TMEM67: variants seen among roughly 807,000 people sequenced by gnomAD.
TMEM67 encodes transmembrane protein 67, also known as meckelin.
TMEM67 carries 124 observed loss-of-function variants against 136.6 expected under a neutral mutation model. That is an observed-to-expected ratio of 0.91 (90% CI 0.78 to 1.05). The LOEUF is 1.05. Ranked by LOEUF, TMEM67 falls within the 50% of genes least tolerant of loss-of-function variation. The pLI is 0.00. For missense variants in TMEM67, 1,107 were observed against 1,178.4 expected (o/e 0.94, Z 0.89); for synonymous variants, 364 against 390.5 (o/e 0.93, Z 0.80).
At position 93,815,360 on chromosome 8, in the gene TMEM67, T is replaced by G. The variant is rs757014188; in HGVS notation, c.2820T>G (p.Leu940=). The change falls in exon 27 of 28, where the codon CTT becomes CTG. Residue 940 remains leucine (L), a synonymous_variant. Coordinates refer to ENST00000453321, the MANE Select transcript of TMEM67 (RefSeq NM_153704.6). ...ATTATGGAAATGAAGCTACTCTTCT[T>G]ATTTTTGATCTGCTGTTCTTCTGTG... The part of the protein sequence containing the change: ...VLYYGNEATL[L]IFDLLFFCVV... 3 of 1,611,824 alleles carry G rather than the reference T, an allele frequency of 1.9e-6. No homozygotes were observed. The highest frequency in any genetic ancestry group is 8.5e-7 in the Non-Finnish European group (1 of 1,178,618).
At chr8:93,799,553 T>G (rs1169929348) in intron 20 of TMEM67, 65 bp from the exon 21 acceptor site, 8 of 1,545,434 alleles carry the variant, frequency 5.2e-6, no homozygotes, top group Non-Finnish European at 7.1e-6. Context: ...GTTTTCTGTT[T>G]TCAGTCTAGA....
At chr8:93,798,096 C>T (rs1261188960) in intron 20 of TMEM67, among the ~76,000 whole-genome samples, 1 of 152,150 alleles carries the variant, frequency 6.6e-6, no homozygotes, top group Non-Finnish European at 1.5e-5. Context: ...ACTCTATACC[C>T]CTTAAACAAC....
intron 22 of TMEM67, among the ~76,000 whole-genome samples, chr8:93,804,501 T>TG (rs1815030233): frequency 6.8e-6 from 1 of 146,614 alleles, no homozygotes; most frequent in East Asian, 2.0e-4. Context: ...TTTTTTTTTT[T>TG]GTAGAGATAG....
At chr8:93,777,563 C>T (rs1187562116) in intron 7 of TMEM67, among the ~76,000 whole-genome samples, 1 of 152,132 alleles carries the variant, frequency 6.6e-6, no homozygotes, top group East Asian at 1.9e-4. Context: ...TCTTTGTTCT[C>T]ATTGATTTCA....
chr8:93,771,994 CA>C (rs1813349904), intron 6 of TMEM67, among the ~76,000 whole-genome samples: 1 of 152,174 alleles, frequency 6.6e-6, no homozygotes, highest in South Asian at 2.1e-4. Flanking sequence ...GCAAGATGTA[CA>C]GATAAGCTTT....
chr8:93,815,259 T>C, intron 26 of TMEM67, 46 bp from the exon 27 acceptor site: 2 of 1,351,426 alleles, frequency 1.5e-6, no homozygotes, highest in Non-Finnish European at 2.0e-6. Context: ...ACAGACTTGT[T>C]CCTTTTTTAA....
chr8:93,808,415 A>C (rs1808511456), intron 23 of TMEM67, among the ~76,000 whole-genome samples: 1 of 86,284 alleles, frequency 1.2e-5, no homozygotes, highest in Non-Finnish European at 2.8e-5. Context: ...TTTCTCTATT[A>C]TAGATATATA....
At chr8:93,831,626 G>A in the TMEM67 span, among the ~76,000 whole-genome samples, 1 of 152,078 alleles carries the variant, frequency 6.6e-6, no homozygotes, top group African/African-American at 2.4e-5. Context: ...CTCCTTCCAG[G>A]TTTCTGAGGA....
intron 12 of TMEM67, chr8:93,785,638 A>G (rs1814061036): frequency 2.9e-6 from 1 of 346,646 alleles, no homozygotes; most frequent in African/African-American, 2.1e-5. Context: ...AGAACCGTAA[A>G]TTGGGGCTTT....
At chr8:93,759,914 G>T (rs1337578739) in intron 3 of TMEM67, 2 of 1,474,702 alleles carry the variant, frequency 1.4e-6, no homozygotes, top group Non-Finnish European at 1.8e-6. Context: ...CTCCCAAAGT[G>T]CTGGGATACA....
downstream of TMEM67, among the ~76,000 whole-genome samples, chr8:93,819,995 TA>T (rs149633541): frequency 3.7e-3 from 558 of 152,190 alleles, 3 homozygotes; most frequent in African/African-American, 0.012. Context: ...TCCTCTTCCT[TA>T]AATCATCCCA....
intron 7 of TMEM67, among the ~76,000 whole-genome samples, chr8:93,779,624 G>T (rs1045754463): frequency 2.0e-5 from 3 of 152,162 alleles, no homozygotes; most frequent in African/African-American, 7.2e-5. Context: ...CCTTCTAACA[G>T]GTCCCTCAGC....
intron 23 of TMEM67, among the ~76,000 whole-genome samples, chr8:93,808,458 T>C (rs1368002309): frequency 0.031 from 51 of 1,658 alleles, no homozygotes; most frequent in Admixed American, 0.2. Context: ...TATATAAATA[T>C]ATATTTATCT....
rs543454658 is a variant in TMEM67, at chr8:93,778,734, G to A, written c.715-1859G>A. 2.0e-4 allele frequency among the ~76,000 whole-genome samples: 31 copies of A among 152,326 alleles called. 3 individuals carry two copies. In the South Asian group the frequency reaches 4.4e-3, roughly 21 times the overall value. On this transcript the variant is annotated intron_variant, in intron 7 of 27. Transcript: ENST00000453321. ...CTGCCAAGAAATCTGCTGTTAGTCT[G>A]ATGGGCTTCCCTTTGTGGGTAACCC... is the stretch of plus-strand genomic sequence containing the variant.
Position 93,793,227 on chromosome 8 carries a change from T to C in TMEM67, c.1605T>C (p.Ala535=), listed in dbSNP as rs757285569. The C allele has an allele frequency of 6.2e-7, 1 of 1,614,206 alleles. No homozygotes were observed. Among genetic ancestry groups the C allele is most frequent in the Non-Finnish European group, 8.5e-7 (1 of 1,180,020 alleles). ...DIALGVLGGL[A]VLASLLKTAG... is the part of the protein sequence containing the mutation. ...CTTTGGGTGTATTGGGTGGGCTAGC[T>C]GTTTTAGCATCTCTTTTGAAGACAG... The change falls in exon 16 of 28, where the codon GCT becomes GCC. Residue 535 remains alanine, a synonymous_variant. Coordinates refer to ENST00000453321, the MANE Select transcript of TMEM67 (RefSeq NM_153704.6).
At chr8:93,794,318 A>G (rs1454348346) in intron 16 of TMEM67, among the ~76,000 whole-genome samples, 1 of 152,276 alleles carries the variant, frequency 6.6e-6, no homozygotes, top group Non-Finnish European at 1.5e-5. Flanking sequence ...ATTTTATTCT[A>G]TTAACTTTAT....
intron 14 of TMEM67, 136 bp downstream of exon 14, chr8:93,788,085 C>A: frequency 1.5e-6 from 1 of 678,198 alleles, no homozygotes; most frequent in South Asian, 1.7e-5. Context: ...ATAGTCAAGT[C>A]TTAATTATTC....
intron 6 of TMEM67, among the ~76,000 whole-genome samples, chr8:93,769,177 G>A (rs536375406): frequency 6.6e-6 from 1 of 152,298 alleles, no homozygotes; most frequent in Admixed American, 6.5e-5. Flanking sequence ...GGGAAGGGCA[G>A]CCTGATGGGC....
the TMEM67 span, among the ~76,000 whole-genome samples, chr8:93,831,400 CT>C: frequency 2.6e-5 from 4 of 152,160 alleles, no homozygotes; most frequent in Non-Finnish European, 5.9e-5. Flanking sequence ...CAAAAGATTT[CT>C]ATTACAATGG....
Sources: gnomAD v4.1 joint callset for allele counts (sites outside exome capture counted in the v4.1 genomes callset) on GRCh38, gnomAD v4.1.1 for gene constraint, MANE v1.5 for transcripts, NCBI Gene and HGNC (gene_info 2026-07-23, HGNC 2026-07-21) for gene names.